The following KRT12 variants were observed in gnomAD, a reference collection of about 807,000 sequenced individuals.
KRT12 encodes the protein keratin, type I cytoskeletal 12.
A neutral mutation model predicts 50.2 loss-of-function variants in KRT12; 43 were observed. The observed-to-expected ratio is 0.86, with a 90% confidence interval of 0.67 to 1.11. KRT12 has a LOEUF of 1.11. KRT12 is among the 50% of genes least tolerant of loss of function. KRT12 has a pLI of 0.00. For synonymous variants in KRT12, 257 were observed against 253.6 expected (o/e 1.01, Z -0.13); for missense variants, 588 against 625.6 (o/e 0.94, Z 0.64).
chr17:40,866,300 AT>A (rs1567742333), intron 1 of KRT12, 63 bp from the exon 2 acceptor site: 1 of 1,301,080 alleles, frequency 7.7e-7, no homozygotes, highest in Non-Finnish European at 1.1e-6. Flanking sequence ...ATACAAATAT[AT>A]TTTTGACACA....
intron 7 of KRT12, among the ~76,000 whole-genome samples, chr17:40,862,079 T>C (rs1434583364): frequency 2.0e-5 from 3 of 152,138 alleles, no homozygotes; most frequent in Non-Finnish European, 2.9e-5. Context: ...TTAATTTTAA[T>C]TTTCTTAAAG....
intron 7 of KRT12, among the ~76,000 whole-genome samples, 191 bp downstream of exon 7, chr17:40,862,374 C>T (rs941117472): frequency 6.6e-6 from 1 of 152,052 alleles, no homozygotes; most frequent in Non-Finnish European, 1.5e-5. Context: ...TGCCCAGGCC[C>T]CCAAAAGTTT....
In KRT12 at chr17:40,861,764, G is replaced by A; in HGVS notation, c.1388-6C>T. ...TTTTCGGGTTTTGGTTGGGTCTAAA[G>A]ATAAAAATGGAATAAGGGGGCAAGA... On this transcript the variant is annotated splice_region_variant and splice_polypyrimidine_tract_variant and intron_variant, in intron 7 of 7. Coordinates refer to ENST00000251643, the MANE Select transcript of KRT12 (RefSeq NM_000223.4). The A allele has an allele frequency of 6.3e-7, 1 of 1,585,470 alleles. No homozygotes were observed. The highest frequency in any genetic ancestry group is 1.7e-4 in the Middle Eastern group (1 of 6,016).
rs372779041 is a variant in KRT12 at position 40,866,666 on chromosome 17, C to T, written c.521G>A (p.Ser174Asn). 1 of 1,614,188 alleles carries T rather than the reference C, an allele frequency of 6.2e-7. No individual in the cohort carries two copies. Among genetic ancestry groups the T allele is most frequent in the Non-Finnish European group, 8.5e-7 (1 of 1,180,038 alleles). Reference sequence around the variant, plus strand: ...CAGTGGATAATATTTGCTGTAATCGCTCTGTGAAGCATCTGCAGTCCCAGT... The same window carrying T: ...CAGTGGATAATATTTGCTGTAATCGTTCTGTGAAGCATCTGCAGTCCCAGT... ...RGTGTADASQ[S>N]DYSKYYPLIE... The change falls in exon 1 of 8, where the codon AGC becomes AAC. Residue 174 changes from serine to asparagine, a missense_variant. Ser to Asn is a conservative substitution (Grantham distance 46). Transcript: ENST00000251643.
rs746977598 is a variant in KRT12 at position 40,863,172 on chromosome 17, C to T, written c.1267G>A (p.Glu423Lys). The T allele has an allele frequency of 6.2e-7, 1 of 1,614,168 alleles. No individual in the cohort carries two copies. Among genetic ancestry groups the T allele is most frequent in the South Asian group, 1.1e-5 (1 of 91,084 alleles). The change falls in exon 6 of 8, where the codon GAG (glutamate) becomes AAG (lysine). Residue 423 changes from glutamate to lysine, a missense_variant. By Grantham distance (56) the Glu-to-Lys change is moderately conservative. Coordinates refer to ENST00000251643, the MANE Select transcript of KRT12 (RefSeq NM_000223.4). This position sits in a 1 kb window ranked among gnomAD's most constrained non-coding sequence, Gnocchi z 4.2. ...QRLLNVKARL[E>K]LEIETYRRLL... ...CGGCGGTAGGTCTCAATCTCCAGCT[C>T]CAGGCGGGCCTTGACATTCAGCAGC...
rs1041914525 is a variant in KRT12, at chr17:40,863,188, A to G, written c.1251T>C (p.Asn417=). The change falls in exon 6 of 8, where the codon AAT becomes AAC. Residue 417 remains asparagine, a synonymous_variant. Transcript: ENST00000251643. This position sits in a 1 kb window ranked among gnomAD's most constrained non-coding sequence, Gnocchi z 4.2. ...RQNVDHQRLL[N]VKARLELEIE... The stretch of plus-strand genomic sequence containing the variant: ...TCTCCAGCTCCAGGCGGGCCTTGAC[A>G]TTCAGCAGCCGCTGGTGGTCCACGT... 6.2e-6 allele frequency: 10 copies of G among 1,613,974 alleles called. No individual in the cohort carries two copies. In the African/African-American group the frequency reaches 1.1e-4, roughly 17 times the overall value.
At chr17:40,862,212 G>T (rs1906828061) in intron 7 of KRT12, among the ~76,000 whole-genome samples, 1 of 152,074 alleles carries the variant, frequency 6.6e-6, no homozygotes, top group Non-Finnish European at 1.5e-5. Context: ...GAGATCACAG[G>T]TATACACCAC....
chr17:40,866,856 C>A lies in KRT12; in HGVS notation c.331G>T (p.Gly111Cys), dbSNP rs779771822. The change falls in exon 1 of 8, where the codon GGT (glycine) becomes TGT (cysteine). Residue 111 changes from glycine (G) to cysteine (C), a missense_variant. Gly to Cys is a radical substitution (Grantham distance 159). Transcript: ENST00000251643. ...CCTCCATCATTGCCCGAGAGAATAC[C>A]TAGAGAGCCACCTCCTGGGCTGCCC... ...FGGSPGGGSLGILSGNDGGLL... is the reference protein window; with the variant it reads ...FGGSPGGGSLCILSGNDGGLL... 5.0e-6 allele frequency: 8 copies of A among 1,614,004 alleles called. No homozygotes were observed. Among genetic ancestry groups the A allele is most frequent in the East Asian group, 2.2e-5 (1 of 44,892 alleles).
rs749834898 is a variant in KRT12, at chr17:40,866,148, G to A, written c.650+7C>T. 3 of 1,608,726 alleles carry A rather than the reference G, an allele frequency of 1.9e-6. No individual in the cohort carries two copies. Among genetic ancestry groups the A allele is most frequent in the Admixed American group, 1.7e-5 (1 of 59,992 alleles). On this transcript the variant is annotated splice_region_variant and intron_variant, in intron 2 of 7. Transcript: ENST00000251643. ...CACGCCCATGATCTTCAGTTTATTC[G>A]ACTCACTTCATCCTGAAGTCCTCAG...
intron 3 of KRT12, among the ~76,000 whole-genome samples, chr17:40,864,256 C>A (rs556664422): frequency 3.3e-5 from 5 of 152,112 alleles, no homozygotes; most frequent in African/African-American, 1.2e-4. Flanking sequence ...CCTACAGCTG[C>A]CAAACCGAGG....
chr17:40,861,640 T>C lies in KRT12; in HGVS notation c.*21A>G. On this transcript the variant is annotated 3_prime_UTR_variant, in exon 8 of 8. Coordinates refer to ENST00000251643, the MANE Select transcript of KRT12 (RefSeq NM_000223.4). ...TTTCTTGTTCCTAAGGAACCAATCA[T>C]GGGGCAGATCTTGTGAAATTTTACA... 1.4e-6 allele frequency: 2 copies of C among 1,455,032 alleles called. No individual in the cohort carries two copies. The highest frequency in any genetic ancestry group is 1.9e-6 in the Non-Finnish European group (2 of 1,034,708). The allele number at this position is 1,455,032 out of a possible 1,614,324, so 90.1% of individuals were successfully genotyped here.
chr17:40,862,765 C>T, intron 6 of KRT12, 130 bp from the exon 7 acceptor site: 1 of 765,106 alleles, frequency 1.3e-6, no homozygotes, highest in South Asian at 1.4e-5. Flanking sequence ...ACTCTGATCA[C>T]TTTTGGAAAG....
chr17:40,862,609 A>G lies in KRT12; in HGVS notation c.1343T>C (p.Val448Ala). The G allele has an allele frequency of 1.2e-6, 2 of 1,613,494 alleles. No homozygotes were observed. Among genetic ancestry groups the G allele is most frequent in the South Asian group, 1.1e-5 (1 of 91,054 alleles). The change falls in exon 7 of 8, where the codon GTG becomes GCG. Residue 448 changes from valine (V) to alanine (A), a missense_variant. Physicochemically the swap from Val to Ala is moderately conservative, Grantham distance 64. Coordinates refer to ENST00000251643, the MANE Select transcript of KRT12 (RefSeq NM_000223.4). Reference protein sequence around the residue: ...QGDGLEESLFVTDSKSQAQST... With the variant: ...QGDGLEESLFATDSKSQAQST... ...CTGTGCTTGTGATTTGGAGTCTGTCACAAATAAACTTTCCTCCAAACCATC... is the reference window on the plus strand; with the variant it reads ...CTGTGCTTGTGATTTGGAGTCTGTCGCAAATAAACTTTCCTCCAAACCATC...
Position 40,867,133 on chromosome 17 carries a change from G to C in KRT12, c.54C>G (p.Ser18=). The C allele has an allele frequency of 6.2e-7, 1 of 1,612,512 alleles. No individual in the cohort carries two copies. The highest frequency in any genetic ancestry group is 8.5e-7 in the Non-Finnish European group (1 of 1,180,032). ...MSLSVRTPGL[S]RRLSSQSVIG... ...TCACACTCTGCGAGGAGAGCCGCCG[G>C]GACAGTCCGGGGGTGCGCACTGAGA... The change falls in exon 1 of 8, where the codon TCC becomes TCG. Residue 18 remains serine (S), a synonymous_variant. Transcript: ENST00000251643.
chr17:40,862,564 C>G lies in KRT12; in HGVS notation c.1387+1G>C, dbSNP rs1174656798. 1 of 1,607,930 alleles carries G rather than the reference C, an allele frequency of 6.2e-7. No homozygotes were observed. Among genetic ancestry groups the G allele is most frequent in the Non-Finnish European group, 8.5e-7 (1 of 1,174,456 alleles). ...TAAGTGATTCTAGGGTTTCTGCATACCTTTAGAGGAATCAGTTGACTGTGC... is the reference window on the plus strand; with the variant it reads ...TAAGTGATTCTAGGGTTTCTGCATAGCTTTAGAGGAATCAGTTGACTGTGC... On this transcript the variant is annotated splice_donor_variant, in intron 7 of 7. Coordinates refer to ENST00000251643, the MANE Select transcript of KRT12 (RefSeq NM_000223.4). LOFTEE classifies it high-confidence loss of function.
intron 2 of KRT12, among the ~76,000 whole-genome samples, chr17:40,865,475 A>G (rs1597843118): frequency 6.6e-6 from 1 of 152,176 alleles, no homozygotes; most frequent in South Asian, 2.1e-4. Context: ...TTTCTTACCT[A>G]TATCTGGGAG....
In KRT12 at chr17:40,866,778, C is replaced by CT. The variant is rs757286492; in HGVS notation, c.408dup (p.Ala137SerfsTer6). 3.7e-6 allele frequency: 6 copies of CT among 1,614,062 alleles called. No individual in the cohort carries two copies. The Admixed American group carries it at 5.0e-5, about 13-fold the overall frequency. On this transcript the variant is annotated frameshift_variant, in exon 1 of 8. Transcript: ENST00000251643. LOFTEE classifies it high-confidence loss of function. The stretch of plus-strand genomic sequence containing the variant: ...GCTCGCACCTTATCCAGGTAGGAAG[C>CT]TAATCTATCATTAAGATTTTGCATA...
In KRT12 at chr17:40,866,846, G is replaced by A. The variant is rs746417734; in HGVS notation, c.341C>T (p.Ser114Leu). The A allele has an allele frequency of 1.2e-5, 19 of 1,613,884 alleles. No homozygotes were observed. In the East Asian group the frequency reaches 1.8e-4, roughly 15 times the overall value. The stretch of plus-strand genomic sequence containing the variant: ...AGAAAGAAGGCCTCCATCATTGCCC[G>A]AGAGAATACCTAGAGAGCCACCTCC... ...SPGGGSLGIL[S>L]GNDGGLLSGS... The change falls in exon 1 of 8, where the codon TCG becomes TTG. Residue 114 changes from serine to leucine, a missense_variant. Physicochemically the swap from Ser to Leu is moderately radical, Grantham distance 145. Transcript: ENST00000251643.
chr17:40,866,238 C>T lies in KRT12; in HGVS notation c.568-1G>A. ...CATTTCCAATGCTGGCTGAAATGATCTGGCAAAAGAGAGGGACACACACAA... is the reference window on the plus strand; with the variant it reads ...CATTTCCAATGCTGGCTGAAATGATTTGGCAAAAGAGAGGGACACACACAA... On this transcript the variant is annotated splice_acceptor_variant, in intron 1 of 7. Transcript: ENST00000251643. LOFTEE classifies it high-confidence loss of function. The T allele has an allele frequency of 6.2e-7, 1 of 1,613,538 alleles. No homozygotes were observed. Among genetic ancestry groups the T allele is most frequent in the Non-Finnish European group, 8.5e-7 (1 of 1,179,502 alleles).
Sources: allele counts gnomAD v4.1 joint callset (sites outside exome capture counted in the v4.1 genomes callset), GRCh38; gene constraint gnomAD v4.1.1; non-coding constraint Gnocchi (gnomAD v3.1); transcripts MANE v1.5; gene names NCBI Gene and HGNC (gene_info 2026-07-23, HGNC 2026-07-21).